Variants in ZNF813 observed in about 807,000 individuals in gnomAD.
ZNF813 encodes the protein zinc finger protein 813.
ZNF813 carries 3 observed loss-of-function variants against 7.2 expected under a neutral mutation model. The ratio of observed to expected loss-of-function variants is 0.42; its 90% CI spans 0.19 to 1.08. ZNF813 has a LOEUF of 1.08. Among genes scored for constraint, ZNF813 ranks in the 50% least tolerant of loss-of-function variants. The pLI, the probability that ZNF813 is intolerant of heterozygous loss-of-function variation, is 0.30. For missense variants in ZNF813, 714 were observed against 753.3 expected (o/e 0.95, Z 0.61); for synonymous variants, 227 against 256.3 (o/e 0.89, Z 1.09).
intron 1 of ZNF813, among the ~76,000 whole-genome samples, chr19:53,481,418 C>G (rs1489128526): frequency 7.2e-6 from 1 of 139,084 alleles, no homozygotes; most frequent in Non-Finnish European, 1.5e-5. Flanking sequence ...GTGATCTAGG[C>G]TCACTACAAC....
chr19:53,473,650 A>C (rs2086369605), intron 1 of ZNF813, among the ~76,000 whole-genome samples: 1 of 152,208 alleles, frequency 6.6e-6, no homozygotes, highest in Non-Finnish European at 1.5e-5. Flanking sequence ...ACCTAAACAG[A>C]GTCTCCAGGT....
chr19:53,471,681 G>A (rs1205613246), intron 1 of ZNF813, among the ~76,000 whole-genome samples: 2 of 151,708 alleles, frequency 1.3e-5, no homozygotes, highest in Admixed American at 6.6e-5. Flanking sequence ...TCTTGGTGGC[G>A]GGCACCTGTA....
At position 53,491,443 on chromosome 19, in the gene ZNF813, T is replaced by G. The variant is rs1326098973; in HGVS notation, c.1211T>G (p.Leu404Arg). The change falls in exon 4 of 4, where the codon CTT becomes CGT. Residue 404 changes from leucine (L) to arginine (R), a missense_variant. This residue lies in a region of ZNF813 where 563 missense variants were observed against 554.2 expected (regional missense o/e 1.02). Coordinates refer to ENST00000396403, the MANE Select transcript of ZNF813 (RefSeq NM_001004301.4). The part of the protein sequence containing the change: ...QELTLKCHRR[L>R]HTGEKPYKCN... Reference sequence around the variant, plus strand: ...TTAACCCTTAAATGCCATCGTAGACTTCATACCGGAGAGAAGCCTTACAAG... The same window carrying G: ...TTAACCCTTAAATGCCATCGTAGACGTCATACCGGAGAGAAGCCTTACAAG... 6.2e-7 allele frequency: 1 copy of G among 1,614,144 alleles called. No individual in the cohort carries two copies. The highest frequency in any genetic ancestry group is 1.1e-5 in the South Asian group (1 of 91,072).
In ZNF813 at chr19:53,492,331, C is replaced by T. The variant is rs1279257750; in HGVS notation, c.*245C>T. ...TGTGACAAAGTTTACAGTGGCAAAT[C>T]GAGCCTCAAAAGACAGGAGAATTCA... On this transcript the variant is annotated 3_prime_UTR_variant, in exon 4 of 4. Coordinates refer to ENST00000396403, the MANE Select transcript of ZNF813 (RefSeq NM_001004301.4). 11 of 647,582 alleles carry T rather than the reference C, an allele frequency of 1.7e-5. No homozygotes were observed. The highest frequency in any genetic ancestry group is 2.7e-5 in the Non-Finnish European group (10 of 375,970). The allele number at this position is 647,582 out of a possible 1,614,324, so 40.1% of individuals were successfully genotyped here.
intron 1 of ZNF813, among the ~76,000 whole-genome samples, 156 bp downstream of exon 1, chr19:53,467,945 T>A (rs1445113219): frequency 6.6e-6 from 1 of 152,084 alleles, no homozygotes; most frequent in Non-Finnish European, 1.5e-5. Flanking sequence ...GGGGGTCGCT[T>A]CCTTTTGTGT....
At chr19:53,481,255 C>T (rs1040250091) in intron 1 of ZNF813, among the ~76,000 whole-genome samples, 2 of 151,674 alleles carry the variant, frequency 1.3e-5, no homozygotes, top group South Asian at 2.1e-4. Context: ...TGGCATGTTC[C>T]AAGACTCTTT....
rs146101574 is a variant in ZNF813 at position 53,473,335 on chromosome 19, C to T, written c.-74+5546C>T. On this transcript the variant is annotated intron_variant, in intron 1 of 3. Transcript: ENST00000396403. Reference sequence around the variant, plus strand: ...AGCTGTGCATAGGCTAGTCAGCTTCCGGTGTGTGACTAGAGCTGGGCTTGT... The same window carrying T: ...AGCTGTGCATAGGCTAGTCAGCTTCTGGTGTGTGACTAGAGCTGGGCTTGT... 8.4e-3 allele frequency among the ~76,000 whole-genome samples: 1,282 copies of T among 152,008 alleles called. 21 individuals carry two copies. Among genetic ancestry groups the T allele is most frequent in the African/African-American group, 0.029 (1,193 of 41,436 alleles).
At chr19:53,468,095 G>A (rs1968830) in intron 1 of ZNF813, among the ~76,000 whole-genome samples, 152,230 of 152,304 alleles carry the variant, frequency 1, 76,078 homozygotes, top group Middle Eastern at 1. Context: ...CTCACCCAAG[G>A]GGTGGATTCT....
At chr19:53,488,292 C>T (rs1280292787) in intron 3 of ZNF813, 6 of 454,730 alleles carry the variant, frequency 1.3e-5, no homozygotes, top group Non-Finnish European at 2.6e-5. Flanking sequence ...GAAACTGCTG[C>T]GATTACAGGT....
chr19:53,479,058 C>T (rs1345999010), intron 1 of ZNF813, among the ~76,000 whole-genome samples: 1 of 151,936 alleles, frequency 6.6e-6, no homozygotes, highest in Non-Finnish European at 1.5e-5. Context: ...CCTCAACCTC[C>T]CGAGTACGTG....
intron 2 of ZNF813, among the ~76,000 whole-genome samples, chr19:53,485,569 T>TGTCATG (rs1568831812): frequency 9.2e-6 from 1 of 108,232 alleles, no homozygotes; most frequent in African/African-American, 3.2e-5. Context: ...ATGACATATA[T>TGTCATG]ACATGTATGT....
Position 53,481,344 on chromosome 19 carries a change from C to CTTTTTTT in ZNF813, c.-73-2393_-73-2387dup, listed in dbSNP as rs66842546. Among the ~76,000 whole-genome samples, 256 of 106,348 alleles carry CTTTTTTT rather than the reference C, an allele frequency of 2.4e-3. 18 individuals carry two copies. Among genetic ancestry groups the CTTTTTTT allele is most frequent in the African/African-American group, 9.4e-3 (232 of 24,642 alleles). The allele number at this position is 106,348 out of a possible 152,430, so 69.8% of individuals were successfully genotyped here. ...GCTATTCTAAAAGCACCCATGTATT[C>CTTTTTTT]TTTTTTTTTTTTTTTTTTTGAGATG... is the stretch of plus-strand genomic sequence containing the variant. On this transcript the variant is annotated intron_variant, in intron 1 of 3. Coordinates refer to ENST00000396403, the MANE Select transcript of ZNF813 (RefSeq NM_001004301.4).
chr19:53,483,067 G>A (rs1457040605), intron 1 of ZNF813, among the ~76,000 whole-genome samples: 1 of 151,918 alleles, frequency 6.6e-6, no homozygotes, highest in Non-Finnish European at 1.5e-5. Flanking sequence ...CACCCACCAA[G>A]CCCAGTTGCT....
At chr19:53,471,261 G>A (rs761353925) in intron 1 of ZNF813, among the ~76,000 whole-genome samples, 1 of 152,120 alleles carries the variant, frequency 6.6e-6, no homozygotes, top group Non-Finnish European at 1.5e-5. Flanking sequence ...TTGGTGCACA[G>A]ATCTAATAGA....
intron 2 of ZNF813, among the ~76,000 whole-genome samples, 186 bp from the exon 3 acceptor site, chr19:53,486,446 C>CAA (rs71304182): frequency 0.16 from 20,867 of 133,416 alleles, 1,887 homozygotes; most frequent in East Asian, 0.26. Flanking sequence ...GACTCCACCT[C>CAA]AAAAAAAAAA....
chr19:53,486,072 G>C (rs991150021), intron 2 of ZNF813, among the ~76,000 whole-genome samples: 3 of 152,030 alleles, frequency 2.0e-5, no homozygotes, highest in Non-Finnish European at 1.5e-5. Context: ...CTGGATTTTA[G>C]TTTCTGATCT....
rs561278121 is a variant in ZNF813, at chr19:53,481,221, C to T, written c.-73-2529C>T. On this transcript the variant is annotated intron_variant, in intron 1 of 3. Transcript: ENST00000396403. ...AAGTCTGGGCACATTCCAGAGGCCA[C>T]GAGGGGTTTTAGGCCCTGGACCCTG... 5.3e-5 allele frequency among the ~76,000 whole-genome samples: 8 copies of T among 152,090 alleles called. No homozygotes were observed. In the South Asian group the frequency reaches 1.0e-3, roughly 20 times the overall value.
chr19:53,485,596 C>A (rs1272666866), intron 2 of ZNF813, among the ~76,000 whole-genome samples: 2 of 149,766 alleles, frequency 1.3e-5, no homozygotes, highest in Admixed American at 6.6e-5. Flanking sequence ...ATATGTATGT[C>A]ATGATATATA....
chr19:53,491,553 T>C lies in ZNF813; in HGVS notation c.1321T>C (p.Cys441Arg), dbSNP rs1480667910. Residue 441 changes from cysteine (C) to arginine (R), a missense_variant, in exon 4 of 4, where the codon TGT (cysteine) becomes CGT (arginine). Transcript: ENST00000396403. ...TCATAGTGGAGAGAAACCCTACAAGTGTACTGAGTGTGTCAAGACGTTCAG... is the reference window on the plus strand; with the variant it reads ...TCATAGTGGAGAGAAACCCTACAAGCGTACTGAGTGTGTCAAGACGTTCAG... The part of the protein sequence containing the change: ...RLHSGEKPYK[C>R]TECVKTFSRN... 5 of 1,613,250 alleles carry C rather than the reference T, an allele frequency of 3.1e-6. No individual in the cohort carries two copies. The highest frequency in any genetic ancestry group is 4.2e-6 in the Non-Finnish European group (5 of 1,179,696).
Sources: gnomAD v4.1 joint callset for allele counts (sites outside exome capture counted in the v4.1 genomes callset) on GRCh38, gnomAD v4.1.1 for gene constraint, gnomAD v4.1.1 regional missense constraint, MANE v1.5 for transcripts, NCBI Gene and HGNC (gene_info 2026-07-23, HGNC 2026-07-21) for gene names.